The following NRP2 variants were observed in gnomAD, a reference collection of about 807,000 sequenced individuals.
The protein encoded by NRP2 is neuropilin 2.
A neutral mutation model predicts 110.4 loss-of-function variants in NRP2; 52 were observed. The observed-to-expected ratio is 0.47, with a 90% CI of 0.38 to 0.59. The LOEUF (loss-of-function observed/expected upper bound fraction) is 0.59, where lower values mean the gene tolerates loss of function less well. NRP2 is among the 20% of genes least tolerant of loss of function. NRP2 has a pLI of 0.00. For synonymous variants in NRP2, 508 were observed against 468.9 expected, an observed-to-expected ratio of 1.08 and a Z score of -1.08; for missense variants, 1,049 against 1,203.0, an observed-to-expected ratio of 0.87 and a Z score of 1.89.
intron 2 of NRP2, chr2:205,700,949 C>G (rs1000770417): frequency 3.1e-6 from 1 of 320,384 alleles, no homozygotes; most frequent in Non-Finnish European, 6.2e-6. Flanking sequence ...GACTACGGGC[C>G]GTCTGGGCAA....
In NRP2 at chr2:205,775,602, T is replaced by C. The variant is rs192411238; in HGVS notation, c.2425+8799T>C. ...ATTAGTCATGACTTAACAGTGGTGA[T>C]TGACCTGTCTAGGCAAGACCAGGCT... On this transcript the variant is annotated intron_variant, in intron 15 of 16. Coordinates refer to ENST00000357785, the MANE Select transcript of NRP2 (RefSeq NM_003872.3). 1.3e-4 allele frequency among the ~76,000 whole-genome samples: 20 copies of C among 152,344 alleles called. No homozygotes were observed. The East Asian group carries it at 2.5e-3, about 19-fold the overall frequency.
chr2:205,724,819 A>G (rs1235315467), intron 5 of NRP2, among the ~76,000 whole-genome samples: 1 of 151,908 alleles, frequency 6.6e-6, no homozygotes, highest in Non-Finnish European at 1.5e-5. Flanking sequence ...GGCATGCGCC[A>G]CCATGCCCAG....
rs11280948 is a variant in NRP2, at chr2:205,795,361, GTATTATTAT to G, written c.*325_*333del. On this transcript the variant is annotated 3_prime_UTR_variant, in exon 17 of 17. Transcript: ENST00000357785. ...ACAGTTCTATTTTGTTTGTGAGTTTGTATTATTATTATTATTATTATTATTATTATATTT... is the reference window on the plus strand; with the variant it reads ...ACAGTTCTATTTTGTTTGTGAGTTTGTATTATTATTATTATTATTATATTT... The G allele has an allele frequency of 2.0e-3, 292 of 146,568 alleles. 2 individuals are homozygous for G. The highest frequency in any genetic ancestry group is 7.2e-3 in the Middle Eastern group (2 of 276). The allele number at this position is 146,568 out of a possible 1,614,324, so 9.1% of individuals were successfully genotyped here.
At position 205,796,646 on chromosome 2, in the gene NRP2, G is replaced by C. The variant is rs143850871; in HGVS notation, c.*1588G>C. The C allele has an allele frequency of 6.6e-6, 1 of 152,464 alleles. No homozygotes were observed. The highest frequency in any genetic ancestry group is 6.5e-5 in the Admixed American group (1 of 15,280). The allele number at this position is 152,464 out of a possible 1,614,324, so 9.4% of individuals were successfully genotyped here. A position where few individuals can be genotyped will look rare whatever the true frequency, so the allele number is the denominator to read the frequency against. ...ATTAAAGGAATGAGTCCTGCTACCC[G>C]AGTGGTAGTCATAGCCCTAGATGAC... On this transcript the variant is annotated 3_prime_UTR_variant, in exon 17 of 17. Coordinates refer to ENST00000357785, the MANE Select transcript of NRP2 (RefSeq NM_003872.3).
intron 15 of NRP2, chr2:205,776,062 T>G (rs2058091753): frequency 1.3e-6 from 1 of 755,766 alleles, no homozygotes; most frequent in African/African-American, 1.7e-5. Context: ...AGGGGGTAAG[T>G]AGGAAATAAT....
chr2:205,789,716 C>G (rs34089465), intron 15 of NRP2, among the ~76,000 whole-genome samples: 9,451 of 152,220 alleles, frequency 0.062, 398 homozygotes, highest in African/African-American at 0.11. Flanking sequence ...ACCTGCCACA[C>G]CTTGCCTATT....
At chr2:205,723,985 G>A (rs374271553) in intron 5 of NRP2, 45 bp downstream of exon 5, 23 of 1,607,512 alleles carry the variant, frequency 1.4e-5, no homozygotes, top group Non-Finnish European at 1.9e-5. Flanking sequence ...TTCCGTCAGG[G>A]CTGTGAGGGT....
chr2:205,756,731 A>G (rs2057740634), intron 12 of NRP2: 1 of 152,190 alleles, frequency 6.6e-6, no homozygotes, highest in Admixed American at 6.5e-5. Flanking sequence ...TGGTTTTGGT[A>G]TGAACCAAGA....
At chr2:205,702,197 C>T (rs1405189582) in intron 2 of NRP2, among the ~76,000 whole-genome samples, 2 of 152,326 alleles carry the variant, frequency 1.3e-5, no homozygotes, top group South Asian at 2.1e-4. Context: ...CATCCTGTTA[C>T]GAGTATGCCT....
chr2:205,744,754 A>C (rs1223994183), intron 9 of NRP2, among the ~76,000 whole-genome samples: 2 of 152,132 alleles, frequency 1.3e-5, no homozygotes, highest in African/African-American at 4.8e-5. Context: ...GTTGGGTTGG[A>C]GGTTTTGCGA....
chr2:205,688,215 G>A (rs1457797722), intron 1 of NRP2, among the ~76,000 whole-genome samples: 4 of 152,226 alleles, frequency 2.6e-5, no homozygotes, highest in Admixed American at 2.6e-4. Flanking sequence ...GCAATGGCTT[G>A]TAGTGTTATT....
chr2:205,776,473 G>T (rs2105947765), intron 15 of NRP2: 1 of 1,611,750 alleles, frequency 6.2e-7, no homozygotes. Context: ...CCCTCTGGCG[G>T]TGGAGCCCAC....
At chr2:205,714,190 G>A (rs548998337) in intron 2 of NRP2, among the ~76,000 whole-genome samples, 1 of 152,326 alleles carries the variant, frequency 6.6e-6, no homozygotes, top group South Asian at 2.1e-4. Flanking sequence ...CCTAGGAGAA[G>A]ACTGTAATAT....
chr2:205,743,432 C>G lies in NRP2; in HGVS notation c.1521C>G (p.Arg507=). Residue 507 remains arginine (R), a synonymous_variant, in exon 9 of 17, where the codon CGC becomes CGG. Transcript: ENST00000357785. ...AAGGTGTCATCATCCAGGGAGCCCG[C>G]GGAGGAGACAGTATCACTGCTGTGG... ...TVKGVIIQGA[R]GGDSITAVEA... is the part of the protein sequence containing the mutation. The G allele has an allele frequency of 6.2e-7, 1 of 1,614,230 alleles. No individual in the cohort carries two copies. Among genetic ancestry groups the G allele is most frequent in the Non-Finnish European group, 8.5e-7 (1 of 1,180,048 alleles).
chr2:205,737,610 C>A (rs1559337675), intron 7 of NRP2, among the ~76,000 whole-genome samples: 1 of 152,146 alleles, frequency 6.6e-6, no homozygotes, highest in Non-Finnish European at 1.5e-5. Context: ...ATCCAAAGAA[C>A]AGAAGGCAGA....
rs541934914 is a variant in NRP2, at chr2:205,758,279, G to A, written c.2044+5304G>A. 1.4e-4 allele frequency among the ~76,000 whole-genome samples: 21 copies of A among 152,290 alleles called. No homozygotes were observed. In the South Asian group the frequency reaches 3.5e-3, roughly 26 times the overall value. ...GCACTAAATATTCTTTCAGATGGTC[G>A]TTCTAGTAGGAGGGCAAGATGCTAG... On this transcript the variant is annotated intron_variant, in intron 12 of 16. Coordinates refer to ENST00000357785, the MANE Select transcript of NRP2 (RefSeq NM_003872.3).
chr2:205,683,302 T>C lies in NRP2; in HGVS notation c.12T>C (p.Phe4=), dbSNP rs1559299027. 1 of 1,613,670 alleles carries C rather than the reference T, an allele frequency of 6.2e-7. No homozygotes were observed. Residue 4 remains phenylalanine (F), a synonymous_variant, in exon 1 of 17, where the codon TTT becomes TTC. Transcript: ENST00000357785. ...CCACCTTCTCCAAAATGGATATGTT[T>C]CCTCTCACCTGGGTTTTCTTAGCCC... is the stretch of plus-strand genomic sequence containing the variant. MDM[F]PLTWVFLALY... is the part of the protein sequence containing the mutation.
At chr2:205,767,494 C>T (rs1285432724) in intron 15 of NRP2, 3 of 497,962 alleles carry the variant, frequency 6.0e-6, no homozygotes, top group African/African-American at 2.0e-5. Flanking sequence ...GACTGAAAAT[C>T]AGAAAGGACG....
At chr2:205,760,182 AG>A (rs1559353449) in intron 12 of NRP2, among the ~76,000 whole-genome samples, 1 of 152,184 alleles carries the variant, frequency 6.6e-6, no homozygotes, top group Non-Finnish European at 1.5e-5. Flanking sequence ...CACAGGCAGC[AG>A]GTGTTCAATG....
Sources: allele counts gnomAD v4.1 joint callset (sites outside exome capture counted in the v4.1 genomes callset), GRCh38; gene constraint gnomAD v4.1.1; transcripts MANE v1.5; gene names NCBI Gene and HGNC (gene_info 2026-07-23, HGNC 2026-07-21).